Variants in VPS8 observed in about 807,000 individuals in gnomAD.
VPS8 encodes the protein VPS8 subunit of CORVET complex.
In VPS8, 129 loss-of-function variants were observed where a neutral mutation model predicts 216.4. The ratio of observed to expected loss-of-function variants is 0.60; its 90% CI spans 0.52 to 0.69. The LOEUF (loss-of-function observed/expected upper bound fraction) is 0.69. VPS8 is among the 30% of genes least tolerant of loss of function. The pLI is 0.00. For synonymous variants in VPS8, 571 were observed against 565.4 expected (o/e 1.01, Z -0.14); for missense variants, 1,531 against 1,683.5 (o/e 0.91, Z 1.59).
intron 25 of VPS8, among the ~76,000 whole-genome samples, chr3:184,902,940 C>T (rs984079721): frequency 6.6e-6 from 1 of 151,680 alleles, no homozygotes; most frequent in Non-Finnish European, 1.5e-5. Flanking sequence ...GTCTATAATT[C>T]GTTTCGAGTT....
intron 24 of VPS8, 85 bp from the exon 25 acceptor site, chr3:184,900,836 T>C: frequency 1.7e-6 from 2 of 1,149,780 alleles, no homozygotes; most frequent in Non-Finnish European, 2.5e-6. Flanking sequence ...CATTAGCGAA[T>C]GGTGATGAAT....
chr3:184,875,758 G>A (rs770256274), intron 21 of VPS8, among the ~76,000 whole-genome samples: 3 of 151,362 alleles, frequency 2.0e-5, no homozygotes, highest in South Asian at 4.2e-4. Context: ...AGGCTGAGGC[G>A]GGTGGATCAC....
At chr3:185,018,891 A>C (rs932643770) in intron 45 of VPS8, among the ~76,000 whole-genome samples, 1 of 152,204 alleles carries the variant, frequency 6.6e-6, no homozygotes, top group Non-Finnish European at 1.5e-5. Context: ...TCACTGGGGC[A>C]ACTACTTTTT....
At chr3:185,024,446 A>G (rs368047875) in intron 46 of VPS8, 57 bp downstream of exon 46, 10 of 1,482,882 alleles carry the variant, frequency 6.7e-6, no homozygotes, top group East Asian at 2.4e-5. Context: ...TTATTCTCCT[A>G]TGTGGAACAA....
chr3:184,934,021 A>G (rs959996070), intron 34 of VPS8, among the ~76,000 whole-genome samples: 10 of 152,340 alleles, frequency 6.6e-5, no homozygotes, highest in African/African-American at 2.2e-4. Flanking sequence ...CACTGAATCT[A>G]TCAATAATTT....
intron 30 of VPS8, among the ~76,000 whole-genome samples, chr3:184,925,771 TA>T (rs374662614): frequency 6.9e-5 from 10 of 145,730 alleles, no homozygotes; most frequent in African/African-American, 2.4e-4. Flanking sequence ...TTTCTCTCTC[TA>T]TTTTTTTTTT....
chr3:184,992,527 T>C (rs1290393869), intron 42 of VPS8, among the ~76,000 whole-genome samples: 6 of 152,062 alleles, frequency 3.9e-5, no homozygotes, highest in Admixed American at 2.6e-4. Flanking sequence ...GAAGTTTTTG[T>C]AACCTCTCTA....
intron 34 of VPS8, among the ~76,000 whole-genome samples, chr3:184,932,090 T>A (rs1740788791): frequency 6.6e-6 from 1 of 152,308 alleles, no homozygotes; most frequent in South Asian, 2.1e-4. Context: ...CTTTTTAATC[T>A]CTTAAGGCCA....
At chr3:184,950,597 T>C (rs572089005) in intron 36 of VPS8, among the ~76,000 whole-genome samples, 65 of 152,280 alleles carry the variant, frequency 4.3e-4, no homozygotes, top group African/African-American at 1.6e-3. Flanking sequence ...TATTTTTTAA[T>C]TTTTATTTTA....
At position 184,867,021 on chromosome 3, in the gene VPS8, T is replaced by A. The variant is rs1486253906; in HGVS notation, c.1470+71T>A. ...AGTTGAGGCTGAAGGAGATTGCTGG[T>A]AAAGAGGGCAGTATATTGCAAAGTG... On this transcript the variant is annotated intron_variant, in intron 17 of 47. Coordinates refer to ENST00000625842, the MANE Select transcript of VPS8 (RefSeq NM_001009921.3). The A allele has an allele frequency of 1.5e-5, 21 of 1,419,896 alleles. No individual in the cohort carries two copies. In the Admixed American group the frequency reaches 3.2e-4, roughly 22 times the overall value. The allele number at this position is 1,419,896 out of a possible 1,614,324, so 88.0% of individuals were successfully genotyped here.
intron 36 of VPS8, among the ~76,000 whole-genome samples, chr3:184,946,446 T>C (rs1743683912): frequency 6.6e-6 from 1 of 152,246 alleles, no homozygotes; most frequent in African/African-American, 2.4e-5. Context: ...TAGATTTCTC[T>C]CACCGTCATC....
chr3:184,945,827 C>G (rs1362816990), intron 36 of VPS8, among the ~76,000 whole-genome samples: 3 of 152,160 alleles, frequency 2.0e-5, no homozygotes, highest in Admixed American at 6.5e-5. Flanking sequence ...CTGGAGAACT[C>G]AGAGGCTGGG....
At position 185,048,575 on chromosome 3, in the gene VPS8, T is replaced by C; in HGVS notation, c.4137+16T>C. On this transcript the variant is annotated intron_variant, in intron 47 of 47. Coordinates refer to ENST00000625842, the MANE Select transcript of VPS8 (RefSeq NM_001009921.3). ...AAGCTCCAGGGTAATGTTTGCGTGG[T>C]TGTTTATATTTTTATTTCCCTATTT... 1 of 1,612,996 alleles carries C rather than the reference T, an allele frequency of 6.2e-7. No individual in the cohort carries two copies.
chr3:184,843,750 C>T lies in VPS8; in HGVS notation c.541+505C>T, dbSNP rs1451465760. On this transcript the variant is annotated intron_variant, in intron 8 of 47. Coordinates refer to ENST00000625842, the MANE Select transcript of VPS8 (RefSeq NM_001009921.3). ...AGTTTTGTATAGAAACTCATCTTTA[C>T]CAAGTTTTTCTAAATCATCCCATTT... 2.6e-5 allele frequency among the ~76,000 whole-genome samples: 4 copies of T among 152,196 alleles called. No homozygotes were observed. In the South Asian group the frequency reaches 6.2e-4, roughly 24 times the overall value.
rs372836128 is a variant in VPS8, at chr3:184,886,168, T to A, written c.1781+12T>A. 807 of 1,603,188 alleles carry A rather than the reference T, an allele frequency of 5.0e-4. 11 individuals carry two copies. The South Asian group carries it at 8.6e-3, about 17-fold the overall frequency. On this transcript the variant is annotated intron_variant, in intron 22 of 47. Transcript: ENST00000625842. ...CTGCTGCAGCGAAAGTGAGTATGCG[T>A]TGCCTGTCACATTCAATTATTTTGA...
intron 45 of VPS8, among the ~76,000 whole-genome samples, chr3:185,009,985 C>CAA (rs11367805): frequency 9.8e-5 from 9 of 91,388 alleles, no homozygotes; most frequent in African/African-American, 2.7e-4. Flanking sequence ...ACTTCAGGTC[C>CAA]AAAAAAAAAA....
chr3:184,983,981 G>A (rs1048101804), intron 42 of VPS8, among the ~76,000 whole-genome samples: 24 of 150,788 alleles, frequency 1.6e-4, no homozygotes, highest in African/African-American at 5.4e-4. Flanking sequence ...TCAGGAGATC[G>A]AGACCATCCT....
chr3:184,914,633 A>T (rs928506284), intron 26 of VPS8, among the ~76,000 whole-genome samples: 3 of 152,198 alleles, frequency 2.0e-5, no homozygotes, highest in Non-Finnish European at 4.4e-5. Context: ...TCATAGTATA[A>T]TGGTGCCATT....
chr3:184,848,124 C>T (rs1723483161), intron 8 of VPS8, among the ~76,000 whole-genome samples: 1 of 152,066 alleles, frequency 6.6e-6, no homozygotes, highest in African/African-American at 2.4e-5. Context: ...GTTGGCCAGG[C>T]TGGTCTCGAA....
Sources: gnomAD v4.1 joint callset for allele counts (sites outside exome capture counted in the v4.1 genomes callset) on GRCh38, gnomAD v4.1.1 for gene constraint, MANE v1.5 for transcripts, NCBI Gene and HGNC (gene_info 2026-07-23, HGNC 2026-07-21) for gene names.